The following GRAMD1C variants were observed in gnomAD, a reference collection of about 807,000 sequenced individuals.
GRAMD1C encodes protein Aster-C.
A neutral mutation model predicts 97.8 loss-of-function variants in GRAMD1C; 89 were observed. The observed-to-expected ratio is 0.91, with a 90% confidence interval of 0.77 to 1.09. The LOEUF (loss-of-function observed/expected upper bound fraction) is 1.09. Ranked by LOEUF, GRAMD1C falls within the 50% of genes least tolerant of loss-of-function variation. The pLI is 0.00. For missense variants in GRAMD1C, 740 were observed against 766.4 expected (o/e 0.97, Z 0.41); for synonymous variants, 256 against 267.0 (o/e 0.96, Z 0.40).
chr3:113,912,252 A>G (rs1255338814), intron 9 of GRAMD1C, among the ~76,000 whole-genome samples: 1 of 152,170 alleles, frequency 6.6e-6, no homozygotes, highest in Non-Finnish European at 1.5e-5. Context: ...ACTGCATTAT[A>G]TATAATACCC....
At chr3:113,897,996 C>T (rs1223089120) in intron 6 of GRAMD1C, among the ~76,000 whole-genome samples, 29 of 151,990 alleles carry the variant, frequency 1.9e-4, no homozygotes, top group South Asian at 4.1e-4. Flanking sequence ...TTATAGAAAA[C>T]GTCATTTTTA....
intron 1 of GRAMD1C, among the ~76,000 whole-genome samples, chr3:113,841,629 G>T (rs905395237): frequency 6.6e-6 from 1 of 152,012 alleles, no homozygotes; most frequent in African/African-American, 2.4e-5. Flanking sequence ...GTCCTTGAAG[G>T]CCCTGTTTTG....
intron 2 of GRAMD1C, among the ~76,000 whole-genome samples, chr3:113,845,510 G>T (rs1401692445): frequency 6.6e-6 from 1 of 151,898 alleles, no homozygotes; most frequent in African/African-American, 2.4e-5. Flanking sequence ...TGGGTAACAT[G>T]GCAAAACCCA....
chr3:113,843,676 A>G lies in GRAMD1C; in HGVS notation c.28-827A>G, dbSNP rs536241014. Among the ~76,000 whole-genome samples the G allele has an allele frequency of 8.6e-5, 13 of 151,818 alleles. No homozygotes were observed. The East Asian group carries it at 1.9e-3, about 23-fold the overall frequency. ...TTTAGCAGAGACAGGGTTTCATTAT[A>G]TCGGCCAGGCTGGTCTTGAACTCCT... On this transcript the variant is annotated intron_variant, in intron 1 of 17. Transcript: ENST00000358160.
At chr3:113,894,419 C>T (rs564763736) in intron 6 of GRAMD1C, among the ~76,000 whole-genome samples, 2 of 152,176 alleles carry the variant, frequency 1.3e-5, no homozygotes, top group African/African-American at 4.8e-5. Flanking sequence ...GCTGGGATTA[C>T]AGGTGCTTGC....
At chr3:113,849,845 C>T (rs1435719933) in intron 2 of GRAMD1C, among the ~76,000 whole-genome samples, 1 of 152,124 alleles carries the variant, frequency 6.6e-6, no homozygotes, top group Non-Finnish European at 1.5e-5. Context: ...GGCAGAGGGG[C>T]TCCTCACTTC....
At chr3:113,902,990 G>C (rs1872823) in intron 7 of GRAMD1C, among the ~76,000 whole-genome samples, 99,972 of 148,768 alleles carry the variant, frequency 0.67, 33,944 homozygotes, top group African/African-American at 0.77. Context: ...TTTTGGAGAT[G>C]GAGTCTCACT....
At chr3:113,888,218 C>T (rs1935586986) in intron 6 of GRAMD1C, among the ~76,000 whole-genome samples, 1 of 152,104 alleles carries the variant, frequency 6.6e-6, no homozygotes, top group South Asian at 2.1e-4. Context: ...CACAAAAATC[C>T]TCAACAAAAT....
intron 2 of GRAMD1C, among the ~76,000 whole-genome samples, chr3:113,849,768 C>T (rs959817167): frequency 6.6e-5 from 10 of 152,192 alleles, no homozygotes; most frequent in African/African-American, 9.6e-5. Flanking sequence ...TCCACAAAAC[C>T]GCCATTGTCA....
In GRAMD1C at chr3:113,831,337, G is replaced by A. The variant is rs568161918; in HGVS notation, n.98+3058G>A. 7.8e-4 allele frequency among the ~76,000 whole-genome samples: 118 copies of A among 152,254 alleles called. 1 individual carries two copies. Among genetic ancestry groups the A allele is most frequent in the African/African-American group, 2.7e-3 (112 of 41,544 alleles). ...AGTTTGATGTTTTTGAAGAGTTCAA[G>A]TAATGTCCCTCAATTTCAGTTTGTC... On this transcript the variant is annotated intron_variant and non_coding_transcript_variant, in intron 1 of 18. Transcript: ENST00000479212.
chr3:113,936,161 A>C (rs945749429), intron 13 of GRAMD1C, 105 bp from the exon 14 acceptor site: 9 of 642,894 alleles, frequency 1.4e-5, no homozygotes, highest in Admixed American at 3.2e-5. Context: ...TAAGAACCTA[A>C]GGAATTTGTT....
At chr3:113,878,726 G>A (rs954092394) in intron 5 of GRAMD1C, among the ~76,000 whole-genome samples, 4 of 151,858 alleles carry the variant, frequency 2.6e-5, no homozygotes, top group Admixed American at 6.6e-5. Flanking sequence ...ACTCCCTTCC[G>A]TGGCTATGAG....
In GRAMD1C at chr3:113,885,540, G is replaced by A. The variant is rs567496499; in HGVS notation, c.540+2708G>A. On this transcript the variant is annotated intron_variant, in intron 6 of 17. Transcript: ENST00000358160. ...TTCACTCCCACCATGATGGGGTCCT[G>A]AGGCCGCAGTCCGGCCTGTTAGGCC... 3 of 1,603,028 alleles carry A rather than the reference G, an allele frequency of 1.9e-6. No individual in the cohort carries two copies. The East Asian group carries it at 6.7e-5, about 36-fold the overall frequency.
At chr3:113,897,805 G>A in intron 6 of GRAMD1C, 2 of 967,532 alleles carry the variant, frequency 2.1e-6, no homozygotes. Context: ...GACTCTCCTT[G>A]GTTTGCAGGT....
At chr3:113,858,500 T>C (rs1934241404) in intron 2 of GRAMD1C, among the ~76,000 whole-genome samples, 2 of 151,126 alleles carry the variant, frequency 1.3e-5, no homozygotes, top group Admixed American at 1.3e-4. Context: ...GTTCAAGTGA[T>C]TCCCCTGCCT....
chr3:113,855,722 G>A (rs1030313757), intron 2 of GRAMD1C, among the ~76,000 whole-genome samples: 2 of 150,828 alleles, frequency 1.3e-5, no homozygotes, highest in East Asian at 3.9e-4. Context: ...AAAAAAGAAA[G>A]AAAAAAATCA....
At chr3:113,908,614 C>T (rs1157571029) in intron 8 of GRAMD1C, among the ~76,000 whole-genome samples, 4 of 152,080 alleles carry the variant, frequency 2.6e-5, no homozygotes, top group African/African-American at 4.8e-5. Context: ...GGTTCTTCTC[C>T]CTTGTCTACC....
intron 5 of GRAMD1C, among the ~76,000 whole-genome samples, chr3:113,878,577 T>C (rs1935139186): frequency 6.6e-6 from 1 of 152,124 alleles, no homozygotes; most frequent in Non-Finnish European, 1.5e-5. Flanking sequence ...TGTTTATCCA[T>C]CTATCCATCC....
chr3:113,906,344 G>A (rs1368443069), intron 8 of GRAMD1C, among the ~76,000 whole-genome samples: 4 of 152,134 alleles, frequency 2.6e-5, no homozygotes, highest in African/African-American at 7.2e-5. Context: ...CGACCTTCTA[G>A]TCGTACAAAA....
Sources: gnomAD v4.1 joint callset for allele counts (sites outside exome capture counted in the v4.1 genomes callset) on GRCh38, gnomAD v4.1.1 for gene constraint, MANE v1.5 for transcripts, NCBI Gene and HGNC (gene_info 2026-07-23, HGNC 2026-07-21) for gene names.